The following NECAB1 variants were observed in gnomAD, a reference collection of about 807,000 sequenced individuals.
NECAB1 encodes N-terminal EF-hand calcium binding protein 1.
In NECAB1, 29 loss-of-function variants were observed where a neutral mutation model predicts 57.5. The ratio of observed to expected loss-of-function variants is 0.50; its 90% confidence interval spans 0.38 to 0.69. The LOEUF is 0.69. NECAB1 is among the 30% of genes least tolerant of loss of function. The pLI is 0.00. For synonymous variants in NECAB1, 142 were observed against 147.7 expected (o/e 0.96, Z 0.28); for missense variants, 372 against 413.8 (o/e 0.90, Z 0.88).
chr8:90,792,071 C>A, intron 1 of NECAB1, 86 bp downstream of exon 1: 1 of 1,047,836 alleles, frequency 9.5e-7, no homozygotes, highest in Non-Finnish European at 1.4e-6. Flanking sequence ...AGGTGCTGAC[C>A]AGCCAATGCT....
intron 4 of NECAB1, among the ~76,000 whole-genome samples, chr8:90,877,797 A>T (rs754745876): frequency 3.9e-5 from 6 of 152,134 alleles, no homozygotes; most frequent in South Asian, 2.1e-4. Flanking sequence ...CCCAACACTG[A>T]CTTTTAGGAT....
intron 5 of NECAB1, among the ~76,000 whole-genome samples, chr8:90,901,740 T>C (rs1809508233): frequency 6.6e-6 from 1 of 152,208 alleles, no homozygotes; most frequent in African/African-American, 2.4e-5. Context: ...ACAGACTATG[T>C]ATACTCTGTT....
chr8:90,920,813 C>T (rs1810089823), intron 6 of NECAB1, among the ~76,000 whole-genome samples: 1 of 152,140 alleles, frequency 6.6e-6, no homozygotes. Context: ...ATGGCAGAGA[C>T]TTTGCATAAG....
chr8:90,806,815 T>C (rs1586032762), intron 2 of NECAB1: 1 of 152,248 alleles, frequency 6.6e-6, no homozygotes, highest in East Asian at 1.9e-4. Context: ...CTTATCCTGA[T>C]CTCACCTAGT....
At chr8:90,916,200 T>G (rs777712004) in intron 5 of NECAB1, among the ~76,000 whole-genome samples, 12 of 152,200 alleles carry the variant, frequency 7.9e-5, no homozygotes, top group Non-Finnish European at 1.3e-4. Flanking sequence ...GATTGAAACT[T>G]TTTACTATTT....
chr8:90,815,417 G>T (rs1812042555), intron 2 of NECAB1, among the ~76,000 whole-genome samples: 1 of 151,922 alleles, frequency 6.6e-6, no homozygotes, highest in Admixed American at 6.6e-5. Flanking sequence ...GATTTTGCAT[G>T]CATTAAAGTT....
At chr8:90,846,304 A>T (rs1812557659) in intron 3 of NECAB1, among the ~76,000 whole-genome samples, 1 of 152,242 alleles carries the variant, frequency 6.6e-6, no homozygotes, top group African/African-American at 2.4e-5. Context: ...TTTTGGTTTA[A>T]CATTGAAATT....
chr8:90,821,821 A>C (rs1214572014), intron 2 of NECAB1, among the ~76,000 whole-genome samples: 1 of 151,874 alleles, frequency 6.6e-6, no homozygotes, highest in Non-Finnish European at 1.5e-5. Flanking sequence ...TTTTTGGCAC[A>C]TACTAGGACC....
At chr8:90,950,229 A>C (rs1810898448) in intron 11 of NECAB1, among the ~76,000 whole-genome samples, 1 of 152,076 alleles carries the variant, frequency 6.6e-6, no homozygotes, top group African/African-American at 2.4e-5. Flanking sequence ...TGAGGTGGGA[A>C]AAAAAGCTTT....
At chr8:90,916,595 A>G (rs1809958759) in intron 5 of NECAB1, among the ~76,000 whole-genome samples, 2 of 152,168 alleles carry the variant, frequency 1.3e-5, no homozygotes, top group Non-Finnish European at 1.5e-5. Flanking sequence ...TGAATGTACC[A>G]TTTCCACTCA....
intron 3 of NECAB1, among the ~76,000 whole-genome samples, chr8:90,861,850 G>A (rs372310110): frequency 7.6e-4 from 115 of 152,126 alleles, no homozygotes; most frequent in East Asian, 1.3e-3. Flanking sequence ...ATTCTCTGCC[G>A]CTACAGGATA....
intron 10 of NECAB1, among the ~76,000 whole-genome samples, chr8:90,947,088 C>T (rs1273061377): frequency 6.6e-6 from 1 of 152,098 alleles, no homozygotes; most frequent in African/African-American, 2.4e-5. Flanking sequence ...TCACCACCAC[C>T]ACCATTAATA....
intron 3 of NECAB1, among the ~76,000 whole-genome samples, chr8:90,870,260 A>G (rs901224655): frequency 1.3e-5 from 2 of 152,200 alleles, no homozygotes; most frequent in South Asian, 4.1e-4. Context: ...GCAATGTGAG[A>G]ACAGACTAAT....
chr8:90,851,765 A>G (rs962358807), intron 3 of NECAB1, among the ~76,000 whole-genome samples: 1 of 152,176 alleles, frequency 6.6e-6, no homozygotes, highest in Admixed American at 6.5e-5. Flanking sequence ...TGATGAACTT[A>G]CATTGACACA....
chr8:90,870,904 G>C (rs1364497947), intron 3 of NECAB1, among the ~76,000 whole-genome samples: 1 of 152,080 alleles, frequency 6.6e-6, no homozygotes, highest in East Asian at 1.9e-4. Flanking sequence ...TATTCTACCT[G>C]GTGGCAAATA....
intron 10 of NECAB1, among the ~76,000 whole-genome samples, chr8:90,941,225 C>T (rs1210606923): frequency 6.6e-6 from 1 of 152,228 alleles, no homozygotes; most frequent in East Asian, 1.9e-4. Flanking sequence ...AGGCAGCCCA[C>T]ACTCTGATTT....
chr8:90,885,274 G>C (rs1209275923), intron 5 of NECAB1, among the ~76,000 whole-genome samples: 1 of 152,184 alleles, frequency 6.6e-6, no homozygotes, highest in Non-Finnish European at 1.5e-5. Context: ...AGAGTACATA[G>C]TAATGTCTGG....
intron 1 of NECAB1, among the ~76,000 whole-genome samples, chr8:90,800,195 G>A (rs1192118878): frequency 6.6e-6 from 1 of 152,140 alleles, no homozygotes; most frequent in Non-Finnish European, 1.5e-5. Flanking sequence ...TCAGTCCCAG[G>A]AGGCTTTTGG....
At chr8:90,884,759 G>A (rs371730565) in intron 5 of NECAB1, among the ~76,000 whole-genome samples, 49 of 152,220 alleles carry the variant, frequency 3.2e-4, no homozygotes, top group African/African-American at 1.1e-3. Flanking sequence ...GAAATTATCT[G>A]TCAAAATGAG....
Sources: gnomAD v4.1 joint callset for allele counts (sites outside exome capture counted in the v4.1 genomes callset) on GRCh38, gnomAD v4.1.1 for gene constraint, MANE v1.5 for transcripts, NCBI Gene and HGNC (gene_info 2026-07-23, HGNC 2026-07-21) for gene names.